CSMD2: variants seen among roughly 807,000 people sequenced by gnomAD.
CSMD2 encodes CUB and sushi domain-containing protein 2.
A neutral mutation model predicts 398.5 loss-of-function variants in CSMD2; 130 were observed. That is an observed-to-expected ratio of 0.33 (90% CI 0.28 to 0.38). CSMD2 has a LOEUF of 0.38. Among genes scored for constraint, CSMD2 ranks in the 10% least tolerant of loss-of-function variants. The pLI, the probability that CSMD2 is intolerant of heterozygous loss-of-function variation, is 1.00. For missense variants in CSMD2, 3,829 were observed against 4,764.9 expected (o/e 0.80, Z 5.78); for synonymous variants, 1,828 against 1,908.5 (o/e 0.96, Z 1.10).
At chr1:33,536,231 C>CT (rs1025269907) in intron 62 of CSMD2, among the ~76,000 whole-genome samples, 50 of 152,132 alleles carry the variant, frequency 3.3e-4, no homozygotes, top group East Asian at 9.7e-4. Flanking sequence ...CTTTTCTCTT[C>CT]TTTTTTTTCT....
intron 3 of CSMD2, among the ~76,000 whole-genome samples, chr1:34,005,593 G>A (rs1647031091): frequency 6.6e-6 from 1 of 152,142 alleles, no homozygotes; most frequent in African/African-American, 2.4e-5. Context: ...GTCAAGAGGA[G>A]CCCATCAAGC....
intron 39 of CSMD2, among the ~76,000 whole-genome samples, chr1:33,616,222 C>A (rs770137923): frequency 1.4e-4 from 22 of 152,000 alleles, no homozygotes; most frequent in Non-Finnish European, 2.6e-4. Context: ...CTCAGCATTT[C>A]TTTTCCTTTT....
chr1:33,836,462 T>C (rs549837100), intron 6 of CSMD2, among the ~76,000 whole-genome samples: 47 of 152,262 alleles, frequency 3.1e-4, no homozygotes, highest in African/African-American at 9.4e-4. Context: ...TCCCCAAAGG[T>C]GGAATCTACA....
chr1:33,819,969 T>C, intron 8 of CSMD2, 132 bp from the exon 9 acceptor site: 7 of 1,154,374 alleles, frequency 6.1e-6, no homozygotes, highest in Non-Finnish European at 8.5e-6. Flanking sequence ...TCCACTGTTT[T>C]ATCACTAAAA....
chr1:33,662,322 G>A (rs539433869), intron 26 of CSMD2, among the ~76,000 whole-genome samples: 5 of 152,232 alleles, frequency 3.3e-5, no homozygotes, highest in East Asian at 1.9e-4. Flanking sequence ...CCAAGCCACC[G>A]TCTACTTGTA....
chr1:33,974,784 C>T (rs1645900427), intron 3 of CSMD2, among the ~76,000 whole-genome samples: 1 of 152,178 alleles, frequency 6.6e-6, no homozygotes, highest in Non-Finnish European at 1.5e-5. Context: ...CTACATTGCA[C>T]ATTAAAGCCT....
intron 3 of CSMD2, among the ~76,000 whole-genome samples, chr1:33,978,951 A>G (rs1646066149): frequency 6.6e-6 from 1 of 152,182 alleles, no homozygotes; most frequent in African/African-American, 2.4e-5. Flanking sequence ...ACGCACAGAG[A>G]GTTAAGTAAC....
At chr1:33,879,648 C>G (rs10914802) in intron 5 of CSMD2, among the ~76,000 whole-genome samples, 2 of 151,936 alleles carry the variant, frequency 1.3e-5, no homozygotes, top group Non-Finnish European at 2.9e-5. Flanking sequence ...GTCTCTCCCC[C>G]ATTCCTGCTC....
chr1:33,964,700 G>A (rs1055618789), intron 3 of CSMD2, among the ~76,000 whole-genome samples: 6 of 152,140 alleles, frequency 3.9e-5, no homozygotes, highest in African/African-American at 1.4e-4. Flanking sequence ...TCATATGAAA[G>A]CCCCTGCTCC....
chr1:33,624,919 C>A lies in CSMD2; in HGVS notation c.5500+132G>T, dbSNP rs951344030. 2.0e-6 allele frequency: 2 copies of A among 994,460 alleles called. No individual in the cohort carries two copies. Among genetic ancestry groups the A allele is most frequent in the East Asian group, 5.2e-5 (2 of 38,788 alleles). The allele number at this position is 994,460 out of a possible 1,614,324, so 61.6% of individuals were successfully genotyped here. A position where few individuals can be genotyped will look rare whatever the true frequency, so the allele number is the denominator to read the frequency against. ...CGGGGACTGGGGTTGACTGGGACAC[C>A]CCACCTCAGCCATGCGGTGGGAAGC... On this transcript the variant is annotated intron_variant, in intron 34 of 70. Transcript: ENST00000373381. This position sits in a 1 kb window ranked among gnomAD's most constrained non-coding sequence, Gnocchi z 4.7.
intron 2 of CSMD2, 34 bp from the exon 3 acceptor site, chr1:34,032,740 C>T: frequency 4.1e-6 from 6 of 1,460,710 alleles, no homozygotes; most frequent in Non-Finnish European, 5.6e-6. Flanking sequence ...GGGAGAATGA[C>T]CCCCTTGGGA....
chr1:34,157,751 C>T (rs1430279735), intron 1 of CSMD2, among the ~76,000 whole-genome samples: 2 of 152,010 alleles, frequency 1.3e-5, no homozygotes, highest in African/African-American at 2.4e-5. Flanking sequence ...CCAACACATC[C>T]CAACCCACCT....
In CSMD2 at chr1:33,514,278, A is replaced by AT. The variant is rs1653561793; in HGVS notation, c.*2345_*2346insA. 1.0e-5 allele frequency: 1 copy of AT among 100,378 alleles called. No homozygotes were observed. Among genetic ancestry groups the AT allele is most frequent in the South Asian group, 3.4e-4 (1 of 2,904 alleles). The allele number at this position is 100,378 out of a possible 1,614,324, so 6.2% of individuals were successfully genotyped here. On this transcript the variant is annotated 3_prime_UTR_variant, in exon 71 of 71. Transcript: ENST00000373381. Reference sequence around the variant, plus strand: ...CTACAATAATGAAAAAAAAATTTACACCTTTTTTTTTTTCTTTTTTGGTAC... The same window carrying AT: ...CTACAATAATGAAAAAAAAATTTACATCCTTTTTTTTTTTCTTTTTTGGTAC...
chr1:33,736,325 CA>C (rs1245146595), intron 15 of CSMD2, among the ~76,000 whole-genome samples: 3 of 151,894 alleles, frequency 2.0e-5, no homozygotes, highest in African/African-American at 7.3e-5. Flanking sequence ...ACTGAAAATA[CA>C]AAAAATTAGC....
intron 3 of CSMD2, among the ~76,000 whole-genome samples, chr1:33,942,555 T>G (rs967022025): frequency 6.6e-6 from 1 of 152,246 alleles, no homozygotes; most frequent in Non-Finnish European, 1.5e-5. Flanking sequence ...ATAAGCCTAT[T>G]CTCTCGACTC....
intron 3 of CSMD2, among the ~76,000 whole-genome samples, chr1:34,015,565 T>G (rs1352979303): frequency 6.6e-6 from 1 of 152,154 alleles, no homozygotes; most frequent in Non-Finnish European, 1.5e-5. Context: ...TCCCAGGCAC[T>G]CTGCAGATTC....
chr1:33,945,010 C>T (rs1489008360), intron 3 of CSMD2, among the ~76,000 whole-genome samples: 1 of 152,008 alleles, frequency 6.6e-6, no homozygotes, highest in Non-Finnish European at 1.5e-5. Context: ...GGCCCCTTTC[C>T]TCCAACCTAG....
chr1:33,854,436 G>C (rs1275795896), intron 5 of CSMD2, among the ~76,000 whole-genome samples: 1 of 152,232 alleles, frequency 6.6e-6, no homozygotes, highest in Non-Finnish European at 1.5e-5. Context: ...CAGTGAGCAG[G>C]TGAGCCAGGG....
At chr1:34,031,838 A>G (rs1010383593) in intron 3 of CSMD2, among the ~76,000 whole-genome samples, 13 of 144,930 alleles carry the variant, frequency 9.0e-5, no homozygotes, top group African/African-American at 3.1e-4. Context: ...CATTACTGTT[A>G]TTAATTATCA....
Sources: gnomAD v4.1 joint callset for allele counts (sites outside exome capture counted in the v4.1 genomes callset) on GRCh38, gnomAD v4.1.1 for gene constraint, Gnocchi (gnomAD v3.1) non-coding constraint, MANE v1.5 for transcripts, NCBI Gene and HGNC (gene_info 2026-07-23, HGNC 2026-07-21) for gene names.